The following OTOA variants were observed in gnomAD, a reference collection of about 807,000 sequenced individuals.
OTOA encodes the protein cancer/testis antigen 108.
OTOA carries 70 observed loss-of-function variants against 110.8 expected under a neutral mutation model. That is an observed-to-expected ratio of 0.63 (90% CI 0.52 to 0.77). The LOEUF (loss-of-function observed/expected upper bound fraction) is 0.77, where lower values mean the gene tolerates loss of function less well. Among genes scored for constraint, OTOA ranks in the 30% least tolerant of loss-of-function variants. The pLI is 0.00. For synonymous variants in OTOA, 373 were observed against 431.5 expected (o/e 0.86, Z 1.68); for missense variants, 917 against 1,075.8 (o/e 0.85, Z 2.06).
chr16:21,684,192 C>T (rs1332140550), intron 6 of OTOA, among the ~76,000 whole-genome samples: 2 of 152,014 alleles, frequency 1.3e-5, no homozygotes, highest in African/African-American at 2.4e-5. Flanking sequence ...GTATTTTACC[C>T]AGCAACCCTA....
intron 9 of OTOA, among the ~76,000 whole-genome samples, chr16:21,696,952 G>A (rs1375597641): frequency 2.0e-5 from 2 of 101,134 alleles, no homozygotes; most frequent in African/African-American, 4.1e-5. Context: ...AGGCTGGAGT[G>A]CAGTAGAGTG....
Position 21,682,215 on chromosome 16 carries a change from T to C in OTOA, c.267+390T>C, listed in dbSNP as rs143017378. On this transcript the variant is annotated intron_variant, in intron 6 of 28. Coordinates refer to ENST00000646100, the MANE Select transcript of OTOA (RefSeq NM_144672.4). ...TTCCTTTTATCTTTTTGCTTTGTCA[T>C]CTCCTGGGGAGTTATTGCCCATGTG... 4.0e-3 allele frequency among the ~76,000 whole-genome samples: 606 copies of C among 152,310 alleles called. 5 individuals carry two copies. Among genetic ancestry groups the C allele is most frequent in the African/African-American group, 0.014 (582 of 41,568 alleles).
rs1422533810 is a variant in OTOA at position 21,750,414 on chromosome 16, A to G, written c.2776-1521A>G. Among the ~76,000 whole-genome samples the G allele has an allele frequency of 2.1e-3, 190 of 89,254 alleles. 5 individuals carry two copies. Among genetic ancestry groups the G allele is most frequent in the Middle Eastern group, 0.012 (2 of 172 alleles). 58.6% of individuals were successfully genotyped at this position (89,254 alleles called of 152,430 possible). A position where few individuals can be genotyped will look rare whatever the true frequency, so the allele number is the denominator to read the frequency against. ...GGTGACAGAGTGAGACCTTGTCTCA[A>G]AAAAAAAAAAAAAAAAAGGAATTTA... On this transcript the variant is annotated intron_variant, in intron 24 of 28. Transcript: ENST00000646100.
chr16:21,675,337 T>A (rs994577403), intron 1 of OTOA, among the ~76,000 whole-genome samples: 21 of 110,178 alleles, frequency 1.9e-4, no homozygotes, highest in East Asian at 1.4e-3. Context: ...TTTTTTTTTT[T>A]ATAGAGATGG....
intron 11 of OTOA, among the ~76,000 whole-genome samples, chr16:21,702,299 C>T (rs1240623934): frequency 1.3e-5 from 2 of 152,284 alleles, no homozygotes; most frequent in Non-Finnish European, 2.9e-5. Flanking sequence ...TATTGCCACA[C>T]TGCTCCCATC....
At chr16:21,711,853 A>C (rs1898368268) in intron 13 of OTOA, among the ~76,000 whole-genome samples, 1 of 152,212 alleles carries the variant, frequency 6.6e-6, no homozygotes, top group Admixed American at 6.5e-5. Flanking sequence ...GACCCATTCC[A>C]ATCAAATAAT....
intron 10 of OTOA, among the ~76,000 whole-genome samples, chr16:21,699,321 G>T (rs888160069): frequency 3.9e-5 from 6 of 152,158 alleles, no homozygotes; most frequent in African/African-American, 1.4e-4. Flanking sequence ...GCCCCTTTGA[G>T]CACAGCATAA....
intron 5 of OTOA, among the ~76,000 whole-genome samples, chr16:21,680,124 C>T (rs985145786): frequency 6.6e-6 from 1 of 152,146 alleles, no homozygotes; most frequent in Non-Finnish European, 1.5e-5. Context: ...CCTAAGATAA[C>T]ACCAATGGGT....
intron 1 of OTOA, among the ~76,000 whole-genome samples, chr16:21,673,826 G>C (rs545174737): frequency 6.6e-6 from 1 of 152,268 alleles, no homozygotes; most frequent in East Asian, 1.9e-4. Context: ...GTCTCACACT[G>C]TCACCCAGGC....
At position 21,709,960 on chromosome 16, in the gene OTOA, G is replaced by A; in HGVS notation, c.1177G>A (p.Ala393Thr). The A allele has an allele frequency of 6.2e-7, 1 of 1,614,000 alleles. No individual in the cohort carries two copies. Among genetic ancestry groups the A allele is most frequent in the South Asian group, 1.1e-5 (1 of 91,076 alleles). The change falls in exon 13 of 29, where the codon GCA becomes ACA. Residue 393 changes from alanine (A) to threonine (T), a missense_variant. Transcript: ENST00000646100. ...LNETLGSLSD[A>T]VVGLTYSQLE... Reference sequence around the variant, plus strand: ...TGAGACCCTGGGTTCTTTGTCGGATGCAGTTGTAGGTTTGACCTACAGCCA... The same window carrying A: ...TGAGACCCTGGGTTCTTTGTCGGATACAGTTGTAGGTTTGACCTACAGCCA...
At position 21,717,540 on chromosome 16, in the gene OTOA, C is replaced by T. The variant is rs147131079; in HGVS notation, c.1629+493C>T. Among the ~76,000 whole-genome samples, 75 of 152,184 alleles carry T rather than the reference C, an allele frequency of 4.9e-4. No homozygotes were observed. In the East Asian group the frequency reaches 0.012, roughly 25 times the overall value. On this transcript the variant is annotated intron_variant, in intron 15 of 28. Transcript: ENST00000646100. The stretch of plus-strand genomic sequence containing the variant: ...TATATGGCCTCAGTTTTCTCATGTG[C>T]GAAATGGGGATAATTTTGATAATAA...
chr16:21,705,458 C>T (rs569904495), intron 12 of OTOA, 166 bp downstream of exon 12: 888 of 1,029,398 alleles, frequency 8.6e-4, no homozygotes, highest in Non-Finnish European at 1.2e-3. Flanking sequence ...AGTGTAACAT[C>T]GAAGCCCAGA....
chr16:21,697,164 C>A (rs1457090814), intron 9 of OTOA, among the ~76,000 whole-genome samples: 1 of 150,936 alleles, frequency 6.6e-6, no homozygotes, highest in Non-Finnish European at 1.5e-5. Context: ...TTACAGGTGC[C>A]TGGCCAGAAA....
chr16:21,721,256 C>CACAA, intron 17 of OTOA: 1 of 428,858 alleles, frequency 2.3e-6, no homozygotes, highest in Non-Finnish European at 4.7e-6. Context: ...CACACACACA[C>CACAA]ACACACACAC....
chr16:21,683,419 G>A (rs1597808217), intron 6 of OTOA, among the ~76,000 whole-genome samples: 2 of 152,180 alleles, frequency 1.3e-5, no homozygotes, highest in Non-Finnish European at 2.9e-5. Context: ...GTGACTCTGC[G>A]TGGTGGCTCA....
chr16:21,753,049 C>T lies in OTOA; in HGVS notation c.3078C>T (p.Leu1026=). The T allele has an allele frequency of 1.3e-6, 1 of 786,492 alleles. No individual in the cohort carries two copies. Among genetic ancestry groups the T allele is most frequent in the South Asian group, 1.4e-5 (1 of 73,476 alleles). The allele number at this position is 786,492 out of a possible 1,614,324, so 48.7% of individuals were successfully genotyped here. ...CAGCTGGATTAACTAAGGCAGAGCTCCGGATGCTTGACAAGGATTTGATGC... is the reference window on the plus strand; with the variant it reads ...CAGCTGGATTAACTAAGGCAGAGCTTCGGATGCTTGACAAGGATTTGATGC... ...TIAAGLTKAE[L]RMLDKDLMPY... Residue 1026 remains leucine (L), a synonymous_variant, in exon 27 of 29, where the codon CTC becomes CTT. Coordinates refer to ENST00000646100, the MANE Select transcript of OTOA (RefSeq NM_144672.4).
At chr16:21,678,763 C>A in intron 2 of OTOA, 152 bp from the exon 3 acceptor site, 1 of 1,212,184 alleles carries the variant, frequency 8.2e-7, no homozygotes, top group Non-Finnish European at 1.2e-6. Flanking sequence ...ATTTTTCAAG[C>A]CACGGTTTTC....
At chr16:21,709,817 C>A in intron 12 of OTOA, 71 bp from the exon 13 acceptor site, 1 of 1,351,532 alleles carries the variant, frequency 7.4e-7, no homozygotes, top group Non-Finnish European at 1.1e-6. Flanking sequence ...TCCTAATAGC[C>A]CTGGATATGG....
intron 1 of OTOA, among the ~76,000 whole-genome samples, chr16:21,678,091 G>A (rs1002948691): frequency 1.3e-5 from 2 of 151,680 alleles, no homozygotes; most frequent in Non-Finnish European, 2.9e-5. Context: ...TCACTATGTT[G>A]GCCAGGCTGG....
Sources: gnomAD v4.1 joint callset for allele counts (sites outside exome capture counted in the v4.1 genomes callset) on GRCh38, gnomAD v4.1.1 for gene constraint, MANE v1.5 for transcripts, NCBI Gene and HGNC (gene_info 2026-07-23, HGNC 2026-07-21) for gene names.